Variants in ZBTB20 observed in about 807,000 individuals in gnomAD.
ZBTB20 encodes zinc finger and BTB domain containing 20, also known as zinc finger and BTB domain-containing protein 20.
ZBTB20 carries 9 observed loss-of-function variants against 56.9 expected under a neutral mutation model. That is an observed-to-expected ratio of 0.16 (90% CI 0.10 to 0.28). The LOEUF is 0.28. ZBTB20 is among the 10% of genes least tolerant of loss of function. ZBTB20 has a pLI of 1.00. For missense variants in ZBTB20, 655 were observed against 1,003.0 expected, an observed-to-expected ratio of 0.65 and a Z score of 4.69; for synonymous variants, 417 against 420.7, an observed-to-expected ratio of 0.99 and a Z score of 0.11.
chr3:114,720,050 T>C (rs2064803369), intron 5 of ZBTB20, among the ~76,000 whole-genome samples: 1 of 150,668 alleles, frequency 6.6e-6, no homozygotes, highest in Non-Finnish European at 1.5e-5. Context: ...TATAGAAATG[T>C]AGGAGAAATA....
intron 11 of ZBTB20, among the ~76,000 whole-genome samples, chr3:114,343,138 A>C (rs78525570): frequency 0.032 from 4,817 of 151,740 alleles, 130 homozygotes; most frequent in Non-Finnish European, 0.045. Context: ...CCATGACTGA[A>C]AAGTGAAAAA....
At chr3:114,578,932 T>C (rs2054365708) in intron 6 of ZBTB20, among the ~76,000 whole-genome samples, 1 of 151,784 alleles carries the variant, frequency 6.6e-6, no homozygotes, top group Non-Finnish European at 1.5e-5. Flanking sequence ...CTTTTGAATA[T>C]GGTTAAAAAC....
chr3:114,767,835 A>G (rs1430806566), intron 5 of ZBTB20, among the ~76,000 whole-genome samples: 1 of 152,114 alleles, frequency 6.6e-6, no homozygotes, highest in Non-Finnish European at 1.5e-5. Flanking sequence ...TGGTACCAAT[A>G]GCTCTAACTC....
At chr3:114,713,353 A>C (rs2064226906) in intron 5 of ZBTB20, among the ~76,000 whole-genome samples, 1 of 152,154 alleles carries the variant, frequency 6.6e-6, no homozygotes. Context: ...ATTTCCTAAC[A>C]CAGAAATTAA....
chr3:115,011,989 T>C (rs2079736566), intron 2 of ZBTB20, among the ~76,000 whole-genome samples: 1 of 151,868 alleles, frequency 6.6e-6, no homozygotes, highest in Non-Finnish European at 1.5e-5. Context: ...TAAGTTGTTG[T>C]CACCTTAAAA....
intron 6 of ZBTB20, among the ~76,000 whole-genome samples, chr3:114,676,401 G>A (rs2061627448): frequency 6.6e-6 from 1 of 152,112 alleles, no homozygotes; most frequent in Non-Finnish European, 1.5e-5. Flanking sequence ...ATGAGATAAT[G>A]TATGTTGGAG....
At chr3:115,106,232 CTTTTTT>C (rs1271544340) in intron 1 of ZBTB20, among the ~76,000 whole-genome samples, 1 of 130,530 alleles carries the variant, frequency 7.7e-6, no homozygotes, top group Non-Finnish European at 1.7e-5. Context: ...CACAATAATT[CTTTTTT>C]TTTTTTTTTT....
chr3:115,096,105 T>C (rs1360674622), intron 1 of ZBTB20, among the ~76,000 whole-genome samples: 1 of 152,238 alleles, frequency 6.6e-6, no homozygotes, highest in African/African-American at 2.4e-5. Flanking sequence ...TAATCCATAG[T>C]AATTGTATAA....
At chr3:114,504,142 A>T (rs1393582911) in intron 6 of ZBTB20, among the ~76,000 whole-genome samples, 1 of 152,190 alleles carries the variant, frequency 6.6e-6, no homozygotes, top group East Asian at 1.9e-4. Context: ...AAGAGTTCTA[A>T]GTGGGTAAGG....
chr3:114,978,301 AT>A (rs1479131989), intron 2 of ZBTB20, among the ~76,000 whole-genome samples: 1 of 148,562 alleles, frequency 6.7e-6, no homozygotes, highest in Non-Finnish European at 1.5e-5. Context: ...ACTTATTACT[AT>A]TTATTATTAA....
chr3:114,882,034 C>A (rs191815872), intron 4 of ZBTB20, among the ~76,000 whole-genome samples: 1 of 151,560 alleles, frequency 6.6e-6, no homozygotes, highest in African/African-American at 2.4e-5. Context: ...AATTAATAAC[C>A]AAGAAATATG....
At chr3:115,033,593 T>G (rs1444969913) in intron 2 of ZBTB20, among the ~76,000 whole-genome samples, 1 of 151,698 alleles carries the variant, frequency 6.6e-6, no homozygotes, top group Non-Finnish European at 1.5e-5. Context: ...TGCAGCACTG[T>G]TTACAATAGC....
At chr3:114,552,472 CT>C (rs1453837665) in intron 6 of ZBTB20, among the ~76,000 whole-genome samples, 5 of 150,644 alleles carry the variant, frequency 3.3e-5, no homozygotes, top group Non-Finnish European at 7.4e-5. Context: ...CTAATCAGTT[CT>C]GCTTTAGAAC....
At chr3:114,360,039 T>G (rs1404892004) in intron 10 of ZBTB20, among the ~76,000 whole-genome samples, 1 of 152,146 alleles carries the variant, frequency 6.6e-6, no homozygotes, top group Non-Finnish European at 1.5e-5. Context: ...AGAAACTGAT[T>G]TTTTGACTTT....
intron 5 of ZBTB20, among the ~76,000 whole-genome samples, chr3:114,705,451 T>C (rs2063661326): frequency 6.6e-6 from 1 of 152,136 alleles, no homozygotes; most frequent in Admixed American, 6.6e-5. Flanking sequence ...ACATTTTATG[T>C]CTTTTGCAAA....
At chr3:115,003,747 G>A (rs1015774158) in intron 2 of ZBTB20, among the ~76,000 whole-genome samples, 4 of 151,516 alleles carry the variant, frequency 2.6e-5, no homozygotes, top group Non-Finnish European at 5.9e-5. Context: ...TGACAGGCAT[G>A]TTTCATTTTT....
chr3:114,628,910 T>C (rs2058785274), intron 6 of ZBTB20, among the ~76,000 whole-genome samples: 2 of 152,164 alleles, frequency 1.3e-5, no homozygotes, highest in South Asian at 4.1e-4. Context: ...TCATCCAGTT[T>C]GTCCATATTT....
chr3:114,627,520 G>A (rs1317457262), intron 6 of ZBTB20, among the ~76,000 whole-genome samples: 2 of 152,142 alleles, frequency 1.3e-5, no homozygotes, highest in African/African-American at 4.8e-5. Flanking sequence ...TTCCCCTGGA[G>A]CATACTTTAC....
At chr3:114,444,518 T>C (rs1576790210) in intron 7 of ZBTB20, among the ~76,000 whole-genome samples, 1 of 152,216 alleles carries the variant, frequency 6.6e-6, no homozygotes, top group East Asian at 1.9e-4. Context: ...TTTTTATTTT[T>C]ATAAATTAGT....
Sources: gnomAD v4.1 joint callset for allele counts (sites outside exome capture counted in the v4.1 genomes callset) on GRCh38, gnomAD v4.1.1 for gene constraint, MANE v1.5 for transcripts, NCBI Gene and HGNC (gene_info 2026-07-23, HGNC 2026-07-21) for gene names.